Variants in USP48 observed in about 807,000 individuals in gnomAD.
USP48 encodes the protein ubiquitin specific peptidase 48.
Under a neutral mutation model 150.7 loss-of-function variants are expected in USP48, and 43 were observed. The observed-to-expected ratio is 0.29, with a 90% CI of 0.22 to 0.37. The LOEUF is 0.37. USP48 is among the 10% of genes least tolerant of loss of function. USP48 has a pLI of 1.00. For synonymous variants in USP48, 396 were observed against 425.9 expected (o/e 0.93, Z 0.86); for missense variants, 813 against 1,249.6 (o/e 0.65, Z 5.27).
At chr1:21,766,463 A>G (rs2097862497) in intron 1 of USP48, among the ~76,000 whole-genome samples, 1 of 152,136 alleles carries the variant, frequency 6.6e-6, no homozygotes, top group African/African-American at 2.4e-5. Context: ...TCTATAATAT[A>G]TTGACTATAG....
intron 3 of USP48, among the ~76,000 whole-genome samples, 155 bp from the exon 4 acceptor site, chr1:21,753,274 G>T (rs374780656): frequency 1.0e-3 from 158 of 152,266 alleles, no homozygotes; most frequent in African/African-American, 3.7e-3. Context: ...GAAATAGGCT[G>T]AGCACGGTGG....
At chr1:21,740,613 C>T (rs1389236002) in intron 8 of USP48, among the ~76,000 whole-genome samples, 1 of 152,158 alleles carries the variant, frequency 6.6e-6, no homozygotes, top group Non-Finnish European at 1.5e-5. Context: ...GAGTGACAAT[C>T]CTAAGGAATG....
At chr1:21,721,195 ATAAG>A in intron 13 of USP48, 29 bp from the exon 14 acceptor site, 1 of 1,611,536 alleles carries the variant, frequency 6.2e-7, no homozygotes, top group Non-Finnish European at 8.5e-7. Context: ...GTTAAATCAT[ATAAG>A]TAATATTTCC....
In USP48 at chr1:21,706,837, C is replaced by A; in HGVS notation, c.1995G>T (p.Arg665Ser). The A allele has an allele frequency of 1.2e-6, 2 of 1,613,244 alleles. No homozygotes were observed. The highest frequency in any genetic ancestry group is 2.2e-5 in the East Asian group (1 of 44,872). ...TGCTCCAAGCCTCTTTAGAAACAAG[C>A]CTTCTTTCATTTTCAGATATGCATA... is the stretch of plus-strand genomic sequence containing the variant. ...GELCISENER[R>S]LVSKEAWSKL... Residue 665 changes from arginine (R) to serine (S), a missense_variant, in exon 16 of 27, where the codon AGG becomes AGT. Arg to Ser is a moderately radical substitution (Grantham distance 110, BLOSUM62 -1). Transcript: ENST00000308271.
At chr1:21,745,923 C>A (rs1490263793) in intron 8 of USP48, among the ~76,000 whole-genome samples, 2 of 152,144 alleles carry the variant, frequency 1.3e-5, no homozygotes, top group Non-Finnish European at 2.9e-5. Flanking sequence ...ACATTGAAGT[C>A]CAAAACTGAA....
At chr1:21,732,712 T>C (rs1271245621) in intron 9 of USP48, 14 of 362,476 alleles carry the variant, frequency 3.9e-5, no homozygotes, top group Non-Finnish European at 6.9e-5. Flanking sequence ...ATGGAAATAG[T>C]AGTACAGAAG....
chr1:21,702,251 A>C (rs542256499), intron 21 of USP48, among the ~76,000 whole-genome samples: 1 of 152,186 alleles, frequency 6.6e-6, no homozygotes, highest in Non-Finnish European at 1.5e-5. Context: ...GGGCATAATT[A>C]TAAGTTACCC....
intron 1 of USP48, among the ~76,000 whole-genome samples, chr1:21,779,407 T>G (rs573425476): frequency 4.6e-5 from 7 of 151,550 alleles, no homozygotes; most frequent in African/African-American, 1.7e-4. Flanking sequence ...ATTAGCCGGG[T>G]GTGGTGGTGG....
intron 1 of USP48, among the ~76,000 whole-genome samples, chr1:21,768,891 C>G (rs1269556404): frequency 6.6e-6 from 1 of 152,114 alleles, no homozygotes; most frequent in Non-Finnish European, 1.5e-5. Flanking sequence ...CCTGGTCTTC[C>G]TGGCCTCAAG....
In USP48 at chr1:21,687,210, T is replaced by C; in HGVS notation, c.3039A>G (p.Ala1013=). The C allele has an allele frequency of 6.2e-7, 1 of 1,613,260 alleles. No homozygotes were observed. Among genetic ancestry groups the C allele is most frequent in the Non-Finnish European group, 8.5e-7 (1 of 1,179,484 alleles). Residue 1013 remains alanine, a synonymous_variant, in exon 25 of 27, where the codon GCA becomes GCG. Transcript: ENST00000308271. ...CTTTACCTTGCATGACATCATCCAT[T>C]GCAGCATAATCTGCAATTGGTTCAT... is the stretch of plus-strand genomic sequence containing the variant. ...KADEPIADYA[A]MDDVMQVCMP...
At chr1:21,689,478 T>G (rs1458458699) in intron 24 of USP48, among the ~76,000 whole-genome samples, 1 of 151,958 alleles carries the variant, frequency 6.6e-6, no homozygotes, top group African/African-American at 2.4e-5. Flanking sequence ...CCTCCCAGTC[T>G]GAGGGGAATG....
In USP48 at chr1:21,704,279, T is replaced by C. The variant is rs951268238; in HGVS notation, c.2498A>G (p.Gln833Arg). ...AAACTTACTGGGCTCAGAAATATAC[T>C]GTGTTTCTGAAGGGTTTACATCTCC... is the stretch of plus-strand genomic sequence containing the variant. The part of the protein sequence containing the change: ...EVGDVNPSET[Q>R]YISEPKLCPE... The change falls in exon 20 of 27, where the codon CAG becomes CGG. Residue 833 changes from glutamine to arginine, a missense_variant. By Grantham distance (43) the Gln-to-Arg change is conservative. Coordinates refer to ENST00000308271, the MANE Select transcript of USP48 (RefSeq NM_032236.8). 1.9e-6 allele frequency: 3 copies of C among 1,612,494 alleles called. No homozygotes were observed. The African/African-American group carries it at 4.0e-5, about 22-fold the overall frequency.
rs1557459665 is a variant in USP48, at chr1:21,706,527, C to A, written c.2151G>T (p.Lys717Asn). ...CCTGGAACAAATTTGGGAGAGAAGT[C>A]TTTTGCTCGTTTGCAATCATCTTAT... The part of the protein sequence containing the change: ...ALHKMIANEQ[K>N]TSLPNLFQDK... Residue 717 changes from lysine to asparagine, a missense_variant, in exon 17 of 27, where the codon AAG (lysine) becomes AAT (asparagine). Physicochemically the swap from Lys to Asn is moderately conservative, Grantham distance 94. Transcript: ENST00000308271. 1 of 1,614,066 alleles carries A rather than the reference C, an allele frequency of 6.2e-7. No homozygotes were observed. Among genetic ancestry groups the A allele is most frequent in the Non-Finnish European group, 8.5e-7 (1 of 1,180,042 alleles).
At chr1:21,743,766 T>C (rs2097787429) in intron 8 of USP48, among the ~76,000 whole-genome samples, 1 of 152,172 alleles carries the variant, frequency 6.6e-6, no homozygotes, top group South Asian at 2.1e-4. Flanking sequence ...GTACACATAA[T>C]TCATAATTCA....
Position 21,752,669 on chromosome 1 carries a change from T to G in USP48, c.541-18A>C. 1 of 1,575,076 alleles carries G rather than the reference T, an allele frequency of 6.3e-7. No individual in the cohort carries two copies. Among genetic ancestry groups the G allele is most frequent in the Non-Finnish European group, 8.6e-7 (1 of 1,167,200 alleles). ...TGAGCATCCTACAAGTTTAGGTTAATGAAAAGAAAAATCATATCTTGCTTT... is the reference window on the plus strand; with the variant it reads ...TGAGCATCCTACAAGTTTAGGTTAAGGAAAAGAAAAATCATATCTTGCTTT... On this transcript the variant is annotated intron_variant, in intron 4 of 26. Transcript: ENST00000308271.
chr1:21,704,297 A>AC lies in USP48; in HGVS notation c.2479dup (p.Val827GlyfsTer11). The stretch of plus-strand genomic sequence containing the variant: ...AATATACTGTGTTTCTGAAGGGTTT[A>AC]CATCTCCCACTTCAATTCTCGTGAT... On this transcript the variant is annotated frameshift_variant, in exon 20 of 27. Transcript: ENST00000308271. LOFTEE classifies it high-confidence loss of function. 1.2e-6 allele frequency: 2 copies of AC among 1,613,814 alleles called. No individual in the cohort carries two copies. Among genetic ancestry groups the AC allele is most frequent in the Non-Finnish European group, 1.7e-6 (2 of 1,179,884 alleles).
chr1:21,749,089 T>C (rs1191917067), intron 6 of USP48, among the ~76,000 whole-genome samples: 2 of 152,218 alleles, frequency 1.3e-5, no homozygotes, highest in Admixed American at 1.3e-4. Context: ...CTTTTTAAAA[T>C]TTGCCTTTAT....
chr1:21,729,587 T>C, intron 10 of USP48, 117 bp downstream of exon 10: 1 of 1,263,020 alleles, frequency 7.9e-7, no homozygotes, highest in Non-Finnish European at 1.1e-6. Flanking sequence ...TTCACCAACA[T>C]TCACCTTATG....
chr1:21,770,442 C>CAGATAAATTTCTTTTGTGA (rs1426213237), intron 1 of USP48, among the ~76,000 whole-genome samples: 1 of 146,366 alleles, frequency 6.8e-6, no homozygotes, highest in African/African-American at 2.5e-5. Flanking sequence ...AGATATGGGA[C>CAGATAAATTTCTTTTGTGA]AGATAAATTT....
Sources: gnomAD v4.1 joint callset for allele counts (sites outside exome capture counted in the v4.1 genomes callset) on GRCh38, gnomAD v4.1.1 for gene constraint, MANE v1.5 for transcripts, NCBI Gene and HGNC (gene_info 2026-07-23, HGNC 2026-07-21) for gene names.